Variants in SPIN1 observed in about 807,000 individuals in gnomAD.
SPIN1 encodes the protein spindlin 1, also known as spindlin-1.
A neutral mutation model predicts 26.0 loss-of-function variants in SPIN1; 3 were observed. That is an observed-to-expected ratio of 0.12 (90% CI 0.05 to 0.30). The LOEUF is 0.30. Ranked by LOEUF, SPIN1 falls within the 10% of genes least tolerant of loss-of-function variation. SPIN1 has a pLI of 1.00. For synonymous variants in SPIN1, 101 were observed against 116.5 expected (o/e 0.87, Z 0.86); for missense variants, 126 against 333.4 (o/e 0.38, Z 4.84).
At chr9:88,419,463 A>G (rs568198062) in intron 1 of SPIN1, among the ~76,000 whole-genome samples, 1 of 152,298 alleles carries the variant, frequency 6.6e-6, no homozygotes, top group South Asian at 2.1e-4. Context: ...CCACTGCTCC[A>G]TCTGTGAGGG....
intron 4 of SPIN1, among the ~76,000 whole-genome samples, chr9:88,465,486 A>T (rs549214706): frequency 6.6e-6 from 1 of 152,298 alleles, no homozygotes; most frequent in East Asian, 1.9e-4. Context: ...CATAGTGGTC[A>T]TCCTGATGGG....
chr9:88,405,378 G>A (rs1484384071), intron 1 of SPIN1, among the ~76,000 whole-genome samples: 4 of 150,978 alleles, frequency 2.6e-5, no homozygotes, highest in Admixed American at 6.6e-5. Context: ...ACTGGCATGC[G>A]CCACCATGCC....
In SPIN1 at chr9:88,441,617, T is replaced by A. The variant is rs1052044438; in HGVS notation, c.53-7324T>A. On this transcript the variant is annotated intron_variant, in intron 2 of 5. Transcript: ENST00000375859. ...TATGAAAAATAAAAATGGCTAGGCATGATGGTGCATTCCTGTAGTCCCAGC... is the reference window on the plus strand; with the variant it reads ...TATGAAAAATAAAAATGGCTAGGCAAGATGGTGCATTCCTGTAGTCCCAGC... Among the ~76,000 whole-genome samples the A allele has an allele frequency of 4.4e-4, 67 of 151,498 alleles. 2 individuals carry two copies. The highest frequency in any genetic ancestry group is 1.6e-3 in the African/African-American group (64 of 40,974).
intron 2 of SPIN1, among the ~76,000 whole-genome samples, chr9:88,443,761 C>T (rs892993569): frequency 4.6e-5 from 7 of 152,164 alleles, no homozygotes; most frequent in Non-Finnish European, 1.0e-4. Flanking sequence ...TTTCATGAGG[C>T]TTGTACCCCT....
chr9:88,453,487 C>G (rs942638896), intron 3 of SPIN1, among the ~76,000 whole-genome samples: 1 of 151,652 alleles, frequency 6.6e-6, no homozygotes, highest in African/African-American at 2.4e-5. Context: ...GATTCACATG[C>G]ATGCTGAAGT....
At chr9:88,398,317 A>G (rs1827111027) in intron 1 of SPIN1, among the ~76,000 whole-genome samples, 2 of 151,934 alleles carry the variant, frequency 1.3e-5, no homozygotes, top group African/African-American at 4.8e-5. Flanking sequence ...TCAGAATTAC[A>G]ATGTTATATT....
At position 88,478,571 on chromosome 9, in the gene SPIN1, T is replaced by C. The variant is rs751779447; in HGVS notation, c.*3294T>C. The C allele has an allele frequency of 3.9e-5, 6 of 152,416 alleles. No homozygotes were observed. Among genetic ancestry groups the C allele is most frequent in the Non-Finnish European group, 7.3e-5 (5 of 68,038 alleles). 9.4% of individuals were successfully genotyped at this position (152,416 alleles called of 1,614,324 possible). On this transcript the variant is annotated 3_prime_UTR_variant, in exon 6 of 6. Coordinates refer to ENST00000375859, the MANE Select transcript of SPIN1 (RefSeq NM_006717.3). The stretch of plus-strand genomic sequence containing the variant: ...TTATTTTATACAATGTGTAGACAGT[T>C]CCCTGTTCTCTGCATTTAGAAGTAT...
At chr9:88,409,779 A>G (rs1302890586) in intron 1 of SPIN1, among the ~76,000 whole-genome samples, 2 of 151,584 alleles carry the variant, frequency 1.3e-5, no homozygotes, top group Non-Finnish European at 2.9e-5. Flanking sequence ...CGGAGCTTGC[A>G]GTGAGCTGAG....
chr9:88,448,891 G>A, intron 2 of SPIN1, 50 bp from the exon 3 acceptor site: 2 of 1,561,386 alleles, frequency 1.3e-6, no homozygotes, highest in Non-Finnish European at 1.8e-6. Context: ...TGCATTCTGA[G>A]GTATTCTTTT....
chr9:88,458,091 TATA>T (rs1222600087), intron 3 of SPIN1: 21 of 669,894 alleles, frequency 3.1e-5, no homozygotes, highest in South Asian at 2.7e-4. Context: ...AAAGTTTAGG[TATA>T]ATATATGCAA....
At chr9:88,435,025 C>G (rs1265455953) in intron 2 of SPIN1, among the ~76,000 whole-genome samples, 6 of 148,982 alleles carry the variant, frequency 4.0e-5, no homozygotes, top group African/African-American at 1.2e-4. Context: ...GCACCCCAGC[C>G]TGGCTGAAAG....
At chr9:88,448,828 G>A in intron 2 of SPIN1, 113 bp from the exon 3 acceptor site, 2 of 812,308 alleles carry the variant, frequency 2.5e-6, no homozygotes, top group Non-Finnish European at 3.9e-6. Flanking sequence ...GCTGGTAGTG[G>A]TGTATTTTCT....
chr9:88,436,425 C>T (rs1441056228), intron 2 of SPIN1, among the ~76,000 whole-genome samples: 2 of 152,194 alleles, frequency 1.3e-5, no homozygotes, highest in East Asian at 3.9e-4. Flanking sequence ...AAATGTGCAG[C>T]ACACCCTGCC....
intron 3 of SPIN1, among the ~76,000 whole-genome samples, chr9:88,453,498 T>C (rs1034391275): frequency 6.6e-6 from 1 of 152,142 alleles, no homozygotes; most frequent in South Asian, 2.1e-4. Context: ...ATGCTGAAGT[T>C]TGAGAAGCAC....
In SPIN1 at chr9:88,466,397, A is replaced by G. The variant is rs148695698; in HGVS notation, c.356-1975A>G. 3.2e-3 allele frequency among the ~76,000 whole-genome samples: 482 copies of G among 152,136 alleles called. 4 individuals carry two copies. The highest frequency in any genetic ancestry group is 3.4e-3 in the Non-Finnish European group (231 of 67,998). ...GGTCTCAAACTCCTGGCCTCAAGCA[A>G]TCCTCCTGCCTGGGGCTCAAAGTGC... On this transcript the variant is annotated intron_variant, in intron 4 of 5. Coordinates refer to ENST00000375859, the MANE Select transcript of SPIN1 (RefSeq NM_006717.3).
intron 1 of SPIN1, among the ~76,000 whole-genome samples, chr9:88,408,442 A>G (rs1489963677): frequency 3.9e-5 from 5 of 129,844 alleles, no homozygotes; most frequent in Non-Finnish European, 7.7e-5. Flanking sequence ...CAGTGGTGCT[A>G]TCTTGGCTAA....
At chr9:88,468,339 T>A (rs766625966) in intron 4 of SPIN1, 33 bp from the exon 5 acceptor site, 3 of 1,452,030 alleles carry the variant, frequency 2.1e-6, no homozygotes, top group Non-Finnish European at 2.8e-6. Flanking sequence ...CGAAACACTT[T>A]GTCAACTTTT....
chr9:88,398,361 A>G (rs1827112253), intron 1 of SPIN1, among the ~76,000 whole-genome samples: 1 of 152,050 alleles, frequency 6.6e-6, no homozygotes, highest in South Asian at 2.1e-4. Flanking sequence ...TAGTTTTCCC[A>G]CAAAGGCTGA....
intron 1 of SPIN1, among the ~76,000 whole-genome samples, chr9:88,392,693 T>A (rs975021721): frequency 1.3e-5 from 2 of 152,084 alleles, no homozygotes; most frequent in Non-Finnish European, 2.9e-5. Context: ...TATCCTCCTT[T>A]GTGAGTGTGT....
Sources: allele counts gnomAD v4.1 joint callset (sites outside exome capture counted in the v4.1 genomes callset), GRCh38; gene constraint gnomAD v4.1.1; transcripts MANE v1.5; gene names NCBI Gene and HGNC (gene_info 2026-07-23, HGNC 2026-07-21).